The following SLC7A11 variants were observed in gnomAD, a reference collection of about 807,000 sequenced individuals.
The protein encoded by SLC7A11 is solute carrier family 7 member 11.
A neutral mutation model predicts 54.5 loss-of-function variants in SLC7A11; 35 were observed. The ratio of observed to expected loss-of-function variants is 0.64; its 90% confidence interval spans 0.49 to 0.85. The LOEUF (loss-of-function observed/expected upper bound fraction) is 0.85. Among genes scored for constraint, SLC7A11 ranks in the 40% least tolerant of loss-of-function variants. SLC7A11 has a pLI of 0.00. For synonymous variants in SLC7A11, 230 were observed against 225.2 expected (o/e 1.02, Z -0.19); for missense variants, 583 against 618.1 (o/e 0.94, Z 0.60).
rs758458702 is a variant in SLC7A11 at position 138,172,012 on chromosome 4, T to G, written c.1450A>C (p.Ile484Leu). Residue 484 changes from isoleucine to leucine, a missense_variant, in exon 12 of 12, where the codon ATA becomes CTA. Transcript: ENST00000280612. ...PRWFRIMSEK[I>L]TRTLQIILEV... The stretch of plus-strand genomic sequence containing the variant: ...AGTATTATTTGTAATGTTCTGGTTA[T>G]TTTCTCTACAAAGAAATAAAAATGA... 6.3e-7 allele frequency: 1 copy of G among 1,589,910 alleles called. No individual in the cohort carries two copies. The highest frequency in any genetic ancestry group is 1.2e-5 in the South Asian group (1 of 85,588).
At chr4:138,174,462 G>A (rs762169474) in intron 11 of SLC7A11, 1 of 152,106 alleles carries the variant, frequency 6.6e-6, no homozygotes, top group South Asian at 2.1e-4. Context: ...GATCTCTCTT[G>A]GAATCTCAGG....
chr4:138,184,191 T>A (rs887295294), intron 7 of SLC7A11, among the ~76,000 whole-genome samples: 2 of 152,162 alleles, frequency 1.3e-5, no homozygotes, highest in Non-Finnish European at 2.9e-5. Context: ...AAGCTTTGTA[T>A]ATTTGATTGT....
intron 6 of SLC7A11, among the ~76,000 whole-genome samples, chr4:138,187,232 A>G (rs1736901325): frequency 6.6e-6 from 1 of 152,090 alleles, no homozygotes; most frequent in Admixed American, 6.6e-5. Flanking sequence ...AAATTGATCT[A>G]AGCAGAAGGG....
At chr4:138,200,882 G>T (rs1207507638) in intron 6 of SLC7A11, among the ~76,000 whole-genome samples, 1 of 152,076 alleles carries the variant, frequency 6.6e-6, no homozygotes, top group African/African-American at 2.4e-5. Context: ...GTACACACGG[G>T]TAATATGATA....
At chr4:138,217,074 G>A (rs1231199958) in intron 5 of SLC7A11, among the ~76,000 whole-genome samples, 1 of 152,072 alleles carries the variant, frequency 6.6e-6, no homozygotes, top group Non-Finnish European at 1.5e-5. Context: ...TCTAAACACA[G>A]CTTCCTTTTT....
rs751679927 is a variant in SLC7A11 at position 138,219,314 on chromosome 4, G to C, written c.698C>G (p.Thr233Arg). ...ATAATAAAAAGCCAGTGGCAACCGC[G>C]TAATACTTGAATCTCTTCCTGAAAA... Reference protein sequence around the residue: ...DAFSGRDSSITRLPLAFYYGM... With the variant: ...DAFSGRDSSIRRLPLAFYYGM... The change falls in exon 5 of 12, where the codon ACG (threonine) becomes AGG (arginine). Residue 233 changes from threonine (T) to arginine (R), a missense_variant. Physicochemically the swap from Thr to Arg is moderately conservative, Grantham distance 71. Coordinates refer to ENST00000280612, the MANE Select transcript of SLC7A11 (RefSeq NM_014331.4). 6.2e-7 allele frequency: 1 copy of C among 1,610,912 alleles called. No individual in the cohort carries two copies. The highest frequency in any genetic ancestry group is 8.5e-7 in the Non-Finnish European group (1 of 1,177,364).
chr4:138,173,882 G>A (rs184012637), intron 11 of SLC7A11, among the ~76,000 whole-genome samples: 74 of 152,134 alleles, frequency 4.9e-4, no homozygotes, highest in African/African-American at 1.7e-3. Context: ...AAAGGGAAAT[G>A]ACAAACTTAT....
In SLC7A11 at chr4:138,242,173, A is replaced by T. The variant is rs1738399435; in HGVS notation, c.-104T>A. 3.0e-6 allele frequency: 4 copies of T among 1,312,364 alleles called. No homozygotes were observed. Among genetic ancestry groups the T allele is most frequent in the Admixed American group, 2.2e-5 (1 of 46,340 alleles). The allele number at this position is 1,312,364 out of a possible 1,614,324, so 81.3% of individuals were successfully genotyped here. On this transcript the variant is annotated 5_prime_UTR_variant, in exon 1 of 12. Transcript: ENST00000280612. ...GATCGATGTCTTCCTCTGCTTTCAG[A>T]CTGTCTCTCTCAGCGCTATAGTGTT...
chr4:138,167,972 T>C lies in SLC7A11; in HGVS notation c.*3984A>G, dbSNP rs1736310809. The C allele has an allele frequency of 6.6e-6, 1 of 152,198 alleles. No individual in the cohort carries two copies. Among genetic ancestry groups the C allele is most frequent in the Admixed American group, 6.5e-5 (1 of 15,274 alleles). 9.4% of individuals were successfully genotyped at this position (152,198 alleles called of 1,614,324 possible). A position where few individuals can be genotyped will look rare whatever the true frequency, so the allele number is the denominator to read the frequency against. ...TGAAACTATCTCCCTATATATCACA[T>C]CATATATATTGTGAGAAAGTCACTT... On this transcript the variant is annotated 3_prime_UTR_variant, in exon 12 of 12. Coordinates refer to ENST00000280612, the MANE Select transcript of SLC7A11 (RefSeq NM_014331.4).
intron 6 of SLC7A11, among the ~76,000 whole-genome samples, chr4:138,200,277 C>T (rs1470503590): frequency 2.6e-5 from 4 of 152,096 alleles, no homozygotes; most frequent in African/African-American, 9.7e-5. Flanking sequence ...CAGCTATTTC[C>T]TTATAATATT....
rs1278012755 is a variant in SLC7A11, at chr4:138,164,282, A to C, written c.*7674T>G. The C allele has an allele frequency of 2.0e-5, 3 of 152,184 alleles. No individual in the cohort carries two copies. The highest frequency in any genetic ancestry group is 7.2e-5 in the African/African-American group (3 of 41,444). 9.4% of individuals were successfully genotyped at this position (152,184 alleles called of 1,614,324 possible). On this transcript the variant is annotated 3_prime_UTR_variant, in exon 12 of 12. Transcript: ENST00000280612. ...ATCATATTGCACCAAAATTTATTCC[A>C]TACAAAAGCACATGCATCAAGAGTT...
At chr4:138,178,632 C>T (rs542172002) in intron 11 of SLC7A11, among the ~76,000 whole-genome samples, 27 of 152,090 alleles carry the variant, frequency 1.8e-4, no homozygotes, top group South Asian at 4.2e-4. Context: ...CAAACCTGCA[C>T]GTTCTGCACG....
At position 138,168,382 on chromosome 4, in the gene SLC7A11, C is replaced by G. The variant is rs1288564460; in HGVS notation, c.*3574G>C. 6.6e-6 allele frequency: 1 copy of G among 152,176 alleles called. No homozygotes were observed. Among genetic ancestry groups the G allele is most frequent in the Non-Finnish European group, 1.5e-5 (1 of 68,022 alleles). 9.4% of individuals were successfully genotyped at this position (152,176 alleles called of 1,614,324 possible). On this transcript the variant is annotated 3_prime_UTR_variant, in exon 12 of 12. Coordinates refer to ENST00000280612, the MANE Select transcript of SLC7A11 (RefSeq NM_014331.4). ...TTTCATTTCCTGATTCTCTGGCCTT[C>G]GGTTTTTTATCTTTTCATACCTTAT... is the stretch of plus-strand genomic sequence containing the variant.
rs770707257 is a variant in SLC7A11, at chr4:138,169,031, C to G, written c.*2925G>C. The G allele has an allele frequency of 6.6e-6, 1 of 151,980 alleles. No individual in the cohort carries two copies. The highest frequency in any genetic ancestry group is 1.5e-5 in the Non-Finnish European group (1 of 67,982). 9.4% of individuals were successfully genotyped at this position (151,980 alleles called of 1,614,324 possible). On this transcript the variant is annotated 3_prime_UTR_variant, in exon 12 of 12. Coordinates refer to ENST00000280612, the MANE Select transcript of SLC7A11 (RefSeq NM_014331.4). ...TCACAAGTATTTGAGAATCCATCCC[C>G]ACAAAAATTAAAAAATACTATATTA...
At chr4:138,199,648 T>C (rs1339114396) in intron 6 of SLC7A11, among the ~76,000 whole-genome samples, 2 of 152,124 alleles carry the variant, frequency 1.3e-5, no homozygotes, top group South Asian at 2.1e-4. Context: ...GGTATTGCTA[T>C]AGAAATGGCA....
intron 6 of SLC7A11, among the ~76,000 whole-genome samples, chr4:138,195,105 A>G (rs1372601467): frequency 6.6e-6 from 1 of 152,194 alleles, no homozygotes; most frequent in Non-Finnish European, 1.5e-5. Flanking sequence ...TTATAACTTC[A>G]AAGTGTCAGC....
At chr4:138,186,537 A>T (rs1736885098) in intron 6 of SLC7A11, among the ~76,000 whole-genome samples, 2 of 152,120 alleles carry the variant, frequency 1.3e-5, no homozygotes, top group Admixed American at 1.3e-4. Context: ...TTCAGCCTTG[A>T]TGAGGAAACA....
intron 10 of SLC7A11, 116 bp downstream of exon 10, chr4:138,180,525 T>G (rs1736710979): frequency 3.8e-6 from 4 of 1,041,188 alleles, no homozygotes; most frequent in Non-Finnish European, 5.5e-6. Context: ...AGTTAAACAT[T>G]TTTATTCCAC....
At chr4:138,192,075 G>A (rs1409398446) in intron 6 of SLC7A11, among the ~76,000 whole-genome samples, 1 of 152,088 alleles carries the variant, frequency 6.6e-6, no homozygotes, top group Non-Finnish European at 1.5e-5. Context: ...ACAACACTAA[G>A]ATAATGCAAC....
Sources: gnomAD v4.1 joint callset for allele counts (sites outside exome capture counted in the v4.1 genomes callset) on GRCh38, gnomAD v4.1.1 for gene constraint, MANE v1.5 for transcripts, NCBI Gene and HGNC (gene_info 2026-07-23, HGNC 2026-07-21) for gene names.